SCFD2: variants seen among roughly 807,000 people sequenced by gnomAD.
SCFD2 encodes the protein sec1 family domain-containing protein 2.
In SCFD2, 54 loss-of-function variants were observed where a neutral mutation model predicts 58.9. That is an observed-to-expected ratio of 0.92 (90% confidence interval 0.74 to 1.15). The LOEUF (loss-of-function observed/expected upper bound fraction) is 1.15, where lower values mean the gene tolerates loss of function less well. Among genes scored for constraint, SCFD2 ranks in the 50% most tolerant of loss-of-function variants. The pLI, the probability that SCFD2 is intolerant of heterozygous loss-of-function variation, is 0.00. For synonymous variants in SCFD2, 321 were observed against 335.9 expected (o/e 0.96, Z 0.49); for missense variants, 805 against 836.6 (o/e 0.96, Z 0.47).
At chr4:53,299,669 A>C (rs1435366867) in intron 3 of SCFD2, among the ~76,000 whole-genome samples, 1 of 152,190 alleles carries the variant, frequency 6.6e-6, no homozygotes, top group Admixed American at 6.5e-5. Flanking sequence ...GTTGAAATGA[A>C]GGAAAAAATG....
At chr4:53,177,773 T>A (rs899919519) in intron 4 of SCFD2, among the ~76,000 whole-genome samples, 1 of 152,144 alleles carries the variant, frequency 6.6e-6, no homozygotes, top group African/African-American at 2.4e-5. Context: ...CAGTGACAGA[T>A]GGCACCTGGA....
chr4:53,288,095 T>TA lies in SCFD2; in HGVS notation c.1136-14095dup, dbSNP rs925066883. Among the ~76,000 whole-genome samples the TA allele has an allele frequency of 1.1e-4, 16 of 150,982 alleles. No homozygotes were observed. The East Asian group carries it at 2.7e-3, about 26-fold the overall frequency. ...TCTCTAAAATAATAATAATAAACTA[T>TA]AAAAAAAATTAAAGAAATAATTGAG... On this transcript the variant is annotated intron_variant, in intron 3 of 8. Transcript: ENST00000401642.
rs142704214 is a variant in SCFD2 at position 52,918,054 on chromosome 4, G to A, written c.1707+2671C>T. Among the ~76,000 whole-genome samples the A allele has an allele frequency of 3.7e-4, 56 of 152,282 alleles. No individual in the cohort carries two copies. In the East Asian group the frequency reaches 0.01, roughly 28 times the overall value. On this transcript the variant is annotated intron_variant, in intron 6 of 8. Coordinates refer to ENST00000401642, the MANE Select transcript of SCFD2 (RefSeq NM_152540.4). ...GACCGGGAACAGGAACCCAGGGCCA[G>A]GCCAGCTAGCACTCTCCCACGTGAC...
At chr4:53,018,743 C>A (rs954165376) in intron 5 of SCFD2, among the ~76,000 whole-genome samples, 2 of 152,126 alleles carry the variant, frequency 1.3e-5, no homozygotes, top group Non-Finnish European at 2.9e-5. Context: ...CTAAATATAA[C>A]AAAACTTACG....
intron 2 of SCFD2, among the ~76,000 whole-genome samples, chr4:53,329,541 G>C (rs1171971085): frequency 6.7e-6 from 1 of 149,318 alleles, no homozygotes; most frequent in Non-Finnish European, 1.5e-5. Context: ...GGTCCTGTCT[G>C]TTAGAAGGAA....
intron 2 of SCFD2, among the ~76,000 whole-genome samples, chr4:53,329,534 C>A (rs1438876697): frequency 1.3e-5 from 2 of 149,250 alleles, no homozygotes; most frequent in Non-Finnish European, 3.0e-5. Context: ...AGCTGAGGGT[C>A]CTGTCTGTTA....
intron 5 of SCFD2, among the ~76,000 whole-genome samples, chr4:52,966,743 T>A (rs1401686820): frequency 1.3e-5 from 2 of 151,910 alleles, no homozygotes; most frequent in African/African-American, 2.4e-5. Flanking sequence ...AGTCTGGTAC[T>A]TTTTTTTACT....
chr4:52,972,589 T>C (rs1467895965), intron 5 of SCFD2, among the ~76,000 whole-genome samples: 2 of 152,112 alleles, frequency 1.3e-5, no homozygotes, highest in Non-Finnish European at 2.9e-5. Flanking sequence ...CACCCCACTG[T>C]CAACATTAGA....
chr4:53,240,757 G>C (rs1729866539), intron 4 of SCFD2, among the ~76,000 whole-genome samples: 1 of 152,232 alleles, frequency 6.6e-6, no homozygotes, highest in South Asian at 2.1e-4. Context: ...ATGCAGTCAG[G>C]CATCCGGAAG....
intron 7 of SCFD2, among the ~76,000 whole-genome samples, chr4:52,888,972 C>T (rs1191188914): frequency 6.6e-6 from 1 of 152,186 alleles, no homozygotes; most frequent in Non-Finnish European, 1.5e-5. Flanking sequence ...GATCTTTTCC[C>T]CAAAACCCTT....
Position 53,366,052 on chromosome 4 carries a change from G to A in SCFD2, c.-111C>T, listed in dbSNP as rs1383056777. The A allele has an allele frequency of 2.3e-6, 3 of 1,303,502 alleles. No individual in the cohort carries two copies. Among genetic ancestry groups the A allele is most frequent in the Non-Finnish European group, 3.1e-6 (3 of 962,104 alleles). 80.7% of individuals were successfully genotyped at this position (1,303,502 alleles called of 1,614,324 possible). A position where few individuals can be genotyped will look rare whatever the true frequency, so the allele number is the denominator to read the frequency against. ...TTTGACAGTCTCCACAGTACACGTG[G>A]TCGGCCTCTGACACGCTCCCTGATG... On this transcript the variant is annotated 5_prime_UTR_variant, in exon 1 of 9. Coordinates refer to ENST00000401642, the MANE Select transcript of SCFD2 (RefSeq NM_152540.4).
chr4:52,905,321 G>A (rs1175468361), intron 7 of SCFD2, among the ~76,000 whole-genome samples: 2 of 152,250 alleles, frequency 1.3e-5, no homozygotes, highest in African/African-American at 4.8e-5. Flanking sequence ...CAACACATAC[G>A]CCAGAGGTAA....
chr4:52,881,572 A>G (rs1336640609), intron 8 of SCFD2, among the ~76,000 whole-genome samples: 3 of 152,224 alleles, frequency 2.0e-5, no homozygotes, highest in African/African-American at 7.2e-5. Flanking sequence ...TAGATAGTCA[A>G]TAAATGCCTG....
chr4:53,269,662 A>T (rs1260634075), intron 4 of SCFD2, among the ~76,000 whole-genome samples: 2 of 152,126 alleles, frequency 1.3e-5, no homozygotes, highest in Non-Finnish European at 2.9e-5. Flanking sequence ...AAAAAGTAAA[A>T]CCCTAACTGA....
intron 3 of SCFD2, among the ~76,000 whole-genome samples, chr4:53,307,860 A>G (rs1303906996): frequency 2.0e-5 from 3 of 152,098 alleles, no homozygotes; most frequent in African/African-American, 7.2e-5. Context: ...GAAGGAGTAT[A>G]CTGTTGGCAA....
chr4:53,252,579 C>T (rs1283739683), intron 4 of SCFD2, among the ~76,000 whole-genome samples: 4 of 150,692 alleles, frequency 2.7e-5, no homozygotes, highest in East Asian at 3.9e-4. Context: ...GAAATAACAC[C>T]GCATATCTAC....
chr4:53,238,482 G>A (rs563855125), intron 4 of SCFD2, among the ~76,000 whole-genome samples: 4 of 151,754 alleles, frequency 2.6e-5, no homozygotes, highest in East Asian at 2.0e-4. Flanking sequence ...CGGATGGGGC[G>A]GCTGGTGGGG....
intron 2 of SCFD2, among the ~76,000 whole-genome samples, chr4:53,342,104 A>G (rs1314902999): frequency 1.3e-5 from 2 of 152,176 alleles, no homozygotes; most frequent in African/African-American, 4.8e-5. Flanking sequence ...TTCACACACA[A>G]CAATATTAAC....
intron 5 of SCFD2, among the ~76,000 whole-genome samples, chr4:52,948,030 T>C (rs1023242215): frequency 5.6e-5 from 4 of 71,720 alleles, no homozygotes; most frequent in African/African-American, 2.0e-4. Context: ...TCACAAAAAA[T>C]CACGTACAAA....
Sources: gnomAD v4.1 joint callset for allele counts (sites outside exome capture counted in the v4.1 genomes callset) on GRCh38, gnomAD v4.1.1 for gene constraint, MANE v1.5 for transcripts, NCBI Gene and HGNC (gene_info 2026-07-23, HGNC 2026-07-21) for gene names.